The following NALF1 variants were observed in gnomAD, a reference collection of about 807,000 sequenced individuals.
NALF1 encodes NALCN channel auxiliary factor 1.
Under a neutral mutation model 48.4 loss-of-function variants are expected in NALF1, and 3 were observed. That is an observed-to-expected ratio of 0.06 (90% CI 0.03 to 0.16). NALF1 has a LOEUF of 0.16. NALF1 is among the 10% of genes least tolerant of loss of function. NALF1 has a pLI of 1.00. For missense variants in NALF1, 526 were observed against 571.5 expected, an observed-to-expected ratio of 0.92 and a Z score of 0.81; for synonymous variants, 262 against 245.7, an observed-to-expected ratio of 1.07 and a Z score of -0.62.
intron 1 of NALF1, among the ~76,000 whole-genome samples, chr13:107,216,514 G>T (rs1460688699): frequency 2.6e-5 from 4 of 152,132 alleles, no homozygotes; most frequent in South Asian, 2.1e-4. Flanking sequence ...GATCCCTTGT[G>T]GGGGGTCTTA....
intron 1 of NALF1, among the ~76,000 whole-genome samples, chr13:107,316,257 A>G (rs1882147865): frequency 6.6e-6 from 1 of 152,174 alleles, no homozygotes; most frequent in Non-Finnish European, 1.5e-5. Flanking sequence ...ATAGTATTCC[A>G]TGGTGTATAT....
At position 107,664,910 on chromosome 13, in the gene NALF1, T is replaced by C. The variant is rs1213216245; in HGVS notation, c.915+200772A>G. On this transcript the variant is annotated intron_variant, in intron 1 of 2. Coordinates refer to ENST00000375915, the MANE Select transcript of NALF1 (RefSeq NM_001080396.3). ...TCTTCTTCACATCCTACTCCAGCTC[T>C]TTGGTTTCAACTGTTGATCATACAA... 3.3e-5 allele frequency among the ~76,000 whole-genome samples: 5 copies of C among 152,184 alleles called. No homozygotes were observed. The East Asian group carries it at 7.7e-4, about 24-fold the overall frequency.
At chr13:107,221,262 C>T (rs949576172) in intron 1 of NALF1, among the ~76,000 whole-genome samples, 1 of 152,024 alleles carries the variant, frequency 6.6e-6, no homozygotes. Flanking sequence ...AAACCACTTG[C>T]ACCACTAAAG....
chr13:107,300,734 T>C (rs1161966114), intron 1 of NALF1, among the ~76,000 whole-genome samples: 1 of 152,080 alleles, frequency 6.6e-6, no homozygotes, highest in African/African-American at 2.4e-5. Context: ...CAATGAAAAA[T>C]GGTGCAATTG....
intron 1 of NALF1, among the ~76,000 whole-genome samples, chr13:107,546,170 G>A (rs1043127370): frequency 2.0e-5 from 3 of 152,124 alleles, no homozygotes; most frequent in Admixed American, 6.5e-5. Context: ...CCTGGGGCCA[G>A]TGTGCCAACA....
At chr13:107,257,106 G>C (rs1030644295) in intron 1 of NALF1, among the ~76,000 whole-genome samples, 1 of 152,070 alleles carries the variant, frequency 6.6e-6, no homozygotes, top group African/African-American at 2.4e-5. Context: ...GACAGAAGGG[G>C]GAAGAACCCC....
intron 1 of NALF1, among the ~76,000 whole-genome samples, chr13:107,551,513 T>C (rs1023259665): frequency 1.3e-5 from 2 of 152,164 alleles, no homozygotes; most frequent in Admixed American, 1.3e-4. Context: ...TATATAAATA[T>C]GTAAAACTTC....
intron 1 of NALF1, among the ~76,000 whole-genome samples, chr13:107,477,174 C>T (rs1450865222): frequency 2.6e-5 from 4 of 151,958 alleles, no homozygotes; most frequent in Non-Finnish European, 4.4e-5. Context: ...ATAACGAGGA[C>T]CAAGAATCAG....
intron 1 of NALF1, among the ~76,000 whole-genome samples, chr13:107,258,727 T>C (rs746016738): frequency 6.6e-6 from 1 of 152,102 alleles, no homozygotes; most frequent in Non-Finnish European, 1.5e-5. Context: ...ATAAAAAAGC[T>C]TCCAAAAGCA....
intron 1 of NALF1, among the ~76,000 whole-genome samples, chr13:107,260,218 G>A (rs760698342): frequency 3.9e-5 from 6 of 152,202 alleles, no homozygotes; most frequent in Non-Finnish European, 8.8e-5. Context: ...AATTAGTTAA[G>A]ATACTCGGGA....
At chr13:107,654,082 A>G (rs556874564) in intron 1 of NALF1, among the ~76,000 whole-genome samples, 1 of 152,232 alleles carries the variant, frequency 6.6e-6, no homozygotes, top group African/African-American at 2.4e-5. Context: ...TATAAAAGAT[A>G]AATGACACAA....
At chr13:107,243,071 T>A (rs1880508428) in intron 1 of NALF1, among the ~76,000 whole-genome samples, 1 of 152,086 alleles carries the variant, frequency 6.6e-6, no homozygotes, top group Admixed American at 6.6e-5. Flanking sequence ...CATCGTTCCT[T>A]CTTTCAAGCC....
chr13:107,416,110 C>A lies in NALF1; in HGVS notation c.916-205355G>T, dbSNP rs149303490. On this transcript the variant is annotated intron_variant, in intron 1 of 2. Transcript: ENST00000375915. ...CAAGCTCCGCCTCCTGGGTTCACAC[C>A]ATTCTCCTGCCTCAGCCTCCCAAGT... is the stretch of plus-strand genomic sequence containing the variant. Among the ~76,000 whole-genome samples the A allele has an allele frequency of 3.9e-3, 597 of 151,882 alleles. 13 individuals are homozygous for A. In the East Asian group the frequency reaches 0.058, roughly 15 times the overall value.
intron 1 of NALF1, among the ~76,000 whole-genome samples, chr13:107,256,642 T>C (rs9558980): frequency 0.26 from 40,020 of 151,996 alleles, 5,863 homozygotes; most frequent in Non-Finnish European, 0.31. Context: ...TTCATTTTCT[T>C]CTTACTTGTT....
At chr13:107,447,203 C>T (rs549163541) in intron 1 of NALF1, among the ~76,000 whole-genome samples, 1 of 152,150 alleles carries the variant, frequency 6.6e-6, no homozygotes, top group South Asian at 2.1e-4. Context: ...CTCTCCTTCT[C>T]CTTCTTTTCC....
chr13:107,682,659 G>A (rs1881335831), intron 1 of NALF1, among the ~76,000 whole-genome samples: 1 of 151,744 alleles, frequency 6.6e-6, no homozygotes, highest in Non-Finnish European at 1.5e-5. Context: ...GAGTGAAGAT[G>A]CATTCATTAT....
intron 1 of NALF1, among the ~76,000 whole-genome samples, chr13:107,745,325 T>C (rs1876753797): frequency 6.6e-6 from 1 of 152,156 alleles, no homozygotes; most frequent in Non-Finnish European, 1.5e-5. Context: ...GTCTCTTGTG[T>C]TTCCTGCACT....
At chr13:107,355,099 G>C (rs978687534) in intron 1 of NALF1, among the ~76,000 whole-genome samples, 2 of 152,178 alleles carry the variant, frequency 1.3e-5, no homozygotes, top group African/African-American at 4.8e-5. Flanking sequence ...ATCTTTGCTT[G>C]TGGGCAGCCC....
At chr13:107,775,492 T>C (rs1235687724) in intron 1 of NALF1, among the ~76,000 whole-genome samples, 1 of 152,012 alleles carries the variant, frequency 6.6e-6, no homozygotes, top group East Asian at 1.9e-4. Flanking sequence ...TCTTTGCTAT[T>C]GTGAAGAGTG....
Sources: allele counts gnomAD v4.1 joint callset (sites outside exome capture counted in the v4.1 genomes callset), GRCh38; gene constraint gnomAD v4.1.1; transcripts MANE v1.5; gene names NCBI Gene and HGNC (gene_info 2026-07-23, HGNC 2026-07-21).